Variants in OSBPL10 observed in about 807,000 individuals in gnomAD.
OSBPL10 encodes the protein oxysterol binding protein like 10.
A neutral mutation model predicts 81.7 loss-of-function variants in OSBPL10; 49 were observed. The observed-to-expected ratio is 0.60, with a 90% CI of 0.48 to 0.76. The LOEUF is 0.76. OSBPL10 is among the 30% of genes least tolerant of loss of function. The pLI, the probability that OSBPL10 is intolerant of heterozygous loss-of-function variation, is 0.00. For missense variants in OSBPL10, 923 were observed against 987.8 expected, an observed-to-expected ratio of 0.93 and a Z score of 0.88; for synonymous variants, 419 against 383.6, an observed-to-expected ratio of 1.09 and a Z score of -1.08.
intron 6 of OSBPL10, among the ~76,000 whole-genome samples, chr3:31,702,839 G>A (rs934549349): frequency 6.6e-6 from 1 of 152,158 alleles, no homozygotes; most frequent in Admixed American, 6.5e-5. Context: ...TAGCAAGTAG[G>A]AGTTTACCAA....
At chr3:31,843,675 T>G (rs1700559436) in intron 3 of OSBPL10, among the ~76,000 whole-genome samples, 1 of 152,186 alleles carries the variant, frequency 6.6e-6, no homozygotes, top group Non-Finnish European at 1.5e-5. Context: ...AGGTTAAAGT[T>G]CCAGTTGGCA....
At chr3:31,753,188 T>C (rs1239291042) in intron 4 of OSBPL10, among the ~76,000 whole-genome samples, 1 of 52,198 alleles carries the variant, frequency 1.9e-5, no homozygotes, top group African/African-American at 6.2e-5. Context: ...TTCAAGGATT[T>C]TTTTTTTTTT....
At chr3:31,750,939 G>A (rs551610372) in intron 4 of OSBPL10, among the ~76,000 whole-genome samples, 6 of 152,064 alleles carry the variant, frequency 3.9e-5, no homozygotes, top group South Asian at 2.1e-4. Context: ...ACACGAAACC[G>A]GCTTAGAGAA....
At chr3:31,754,919 T>A (rs768641822) in intron 4 of OSBPL10, among the ~76,000 whole-genome samples, 6 of 152,334 alleles carry the variant, frequency 3.9e-5, no homozygotes, top group Admixed American at 2.6e-4. Context: ...GTTAGGGGAC[T>A]CTGGGTCCCA....
rs113074097 is a variant in OSBPL10 at position 31,905,224 on chromosome 3, T to C, written c.282-25394A>G. Among the ~76,000 whole-genome samples, 1,036 of 152,238 alleles carry C rather than the reference T, an allele frequency of 6.8e-3. 3 individuals are homozygous for C. Among genetic ancestry groups the C allele is most frequent in the Middle Eastern group, 0.034 (10 of 294 alleles). Reference sequence around the variant, plus strand: ...GGGGCATGAGTTTGTGATCACATTCTGCATAAATACATATGAGCTGTGATT... The same window carrying C: ...GGGGCATGAGTTTGTGATCACATTCCGCATAAATACATATGAGCTGTGATT... On this transcript the variant is annotated intron_variant, in intron 1 of 11. Transcript: ENST00000396556.
intron 2 of OSBPL10, among the ~76,000 whole-genome samples, chr3:32,004,256 G>T (rs1213292489): frequency 2.0e-5 from 3 of 152,164 alleles, no homozygotes; most frequent in East Asian, 1.9e-4. Context: ...ATGAGTGTCA[G>T]GTGGAGACTT....
intron 3 of OSBPL10, among the ~76,000 whole-genome samples, chr3:31,834,160 T>C (rs1700316898): frequency 6.6e-6 from 1 of 152,204 alleles, no homozygotes; most frequent in Non-Finnish European, 1.5e-5. Flanking sequence ...GCAACCTGTC[T>C]ACAATCTCCA....
At chr3:31,804,502 T>C (rs1699475382) in intron 4 of OSBPL10, among the ~76,000 whole-genome samples, 2 of 152,134 alleles carry the variant, frequency 1.3e-5, no homozygotes, top group African/African-American at 4.8e-5. Context: ...AAGCAGAATG[T>C]GATCTAACAA....
intron 1 of OSBPL10, among the ~76,000 whole-genome samples, chr3:31,965,569 T>TTA (rs1575065642): frequency 2.6e-5 from 2 of 77,442 alleles, no homozygotes; most frequent in East Asian, 9.0e-4. Context: ...AAATTATATA[T>TTA]TATATAATAT....
chr3:31,946,223 A>AC (rs995025831), intron 1 of OSBPL10, among the ~76,000 whole-genome samples: 10 of 150,678 alleles, frequency 6.6e-5, no homozygotes, highest in East Asian at 2.0e-4. Flanking sequence ...CAGGTGATCC[A>AC]CCCCCCTCAG....
intron 4 of OSBPL10, among the ~76,000 whole-genome samples, chr3:31,826,596 A>AT (rs1363429356): frequency 2.6e-5 from 4 of 151,970 alleles, no homozygotes; most frequent in African/African-American, 9.7e-5. Context: ...GTGTATGATG[A>AT]TTTTCTCCAT....
chr3:31,696,974 C>T (rs935761849), intron 7 of OSBPL10, among the ~76,000 whole-genome samples: 2 of 152,206 alleles, frequency 1.3e-5, no homozygotes, highest in African/African-American at 2.4e-5. Flanking sequence ...GTCTCCTCCT[C>T]CTCCATAAAA....
chr3:31,736,747 C>G (rs921848317), intron 5 of OSBPL10, among the ~76,000 whole-genome samples: 3 of 152,170 alleles, frequency 2.0e-5, no homozygotes, highest in Non-Finnish European at 4.4e-5. Context: ...AGAAAATTAA[C>G]AAACTAGCCA....
At chr3:31,846,785 G>A (rs1222174912) in intron 3 of OSBPL10, among the ~76,000 whole-genome samples, 1 of 152,046 alleles carries the variant, frequency 6.6e-6, no homozygotes, top group East Asian at 1.9e-4. Context: ...TTTCTCTGCA[G>A]CTTCTGGTGC....
intron 1 of OSBPL10, among the ~76,000 whole-genome samples, chr3:31,939,251 T>TGG (rs1697471457): frequency 6.6e-6 from 1 of 151,082 alleles, no homozygotes; most frequent in South Asian, 2.1e-4. Flanking sequence ...TTCAAACGAT[T>TGG]CTCCTGCCTC....
chr3:31,879,787 C>CA lies in OSBPL10; in HGVS notation c.324dup (p.Val109CysfsTer3). The CA allele has an allele frequency of 6.2e-7, 1 of 1,614,144 alleles. No individual in the cohort carries two copies. The highest frequency in any genetic ancestry group is 1.1e-5 in the South Asian group (1 of 91,074). ...TTCTGGTGTTTGCTTTGCTCATTCA[C>CA]AAAATACTGCAGGATGCCAGCCTCG... On this transcript the variant is annotated frameshift_variant, in exon 2 of 12. Coordinates refer to ENST00000396556, the MANE Select transcript of OSBPL10 (RefSeq NM_017784.5). LOFTEE classifies it high-confidence loss of function.
chr3:31,731,780 C>A (rs1297157318), intron 6 of OSBPL10, among the ~76,000 whole-genome samples: 1 of 152,194 alleles, frequency 6.6e-6, no homozygotes, highest in African/African-American at 2.4e-5. Context: ...AGCCACTGCG[C>A]CCGGCCAGGA....
chr3:31,738,619 T>C (rs181605180), intron 5 of OSBPL10, among the ~76,000 whole-genome samples: 114 of 152,306 alleles, frequency 7.5e-4, no homozygotes, highest in African/African-American at 2.5e-3. Context: ...CATTGCCTCA[T>C]CTAATCCTAA....
chr3:31,766,333 TTTTGTTTTTTTTTG>T (rs764257685), intron 4 of OSBPL10, among the ~76,000 whole-genome samples: 17,331 of 47,190 alleles, frequency 0.37, 2,333 homozygotes, highest in African/African-American at 0.41. Flanking sequence ...TTTTTTGTTT[TTTTGTTTTTTTTTG>T]TTTTTTTTTT....
Sources: gnomAD v4.1 joint callset for allele counts (sites outside exome capture counted in the v4.1 genomes callset) on GRCh38, gnomAD v4.1.1 for gene constraint, MANE v1.5 for transcripts, NCBI Gene and HGNC (gene_info 2026-07-23, HGNC 2026-07-21) for gene names.